The following CAST variants were observed in gnomAD, a reference collection of about 807,000 sequenced individuals.
CAST encodes the protein calpastatin.
Under a neutral mutation model 119.6 loss-of-function variants are expected in CAST, and 76 were observed. That is an observed-to-expected ratio of 0.64 (90% CI 0.53 to 0.77). CAST has a LOEUF of 0.77. Ranked by LOEUF, CAST falls within the 30% of genes least tolerant of loss-of-function variation. CAST has a pLI of 0.00. For missense variants in CAST, 953 were observed against 946.5 expected (o/e 1.01, Z -0.09); for synonymous variants, 319 against 331.6 (o/e 0.96, Z 0.41).
the CAST span, among the ~76,000 whole-genome samples, chr5:96,051,684 A>G: frequency 6.6e-6 from 1 of 152,148 alleles, no homozygotes; most frequent in Admixed American, 6.5e-5. Context: ...GGTTAGTGTG[A>G]TGGCAGCCAG....
chr5:96,292,932 T>A, the CAST span, among the ~76,000 whole-genome samples: 1 of 152,240 alleles, frequency 6.6e-6, no homozygotes, highest in Non-Finnish European at 1.5e-5. Flanking sequence ...TTCTGACGTC[T>A]TCATTAAAGA....
intron 1 of CAST, among the ~76,000 whole-genome samples, chr5:96,577,082 G>C (rs1211830712): frequency 7.9e-5 from 12 of 152,068 alleles, no homozygotes; most frequent in African/African-American, 2.4e-4. Flanking sequence ...GAACATGTGG[G>C]TTTGGTTTTC....
At chr5:96,677,717 G>A (rs1340906252) in intron 2 of CAST, among the ~76,000 whole-genome samples, 1 of 152,218 alleles carries the variant, frequency 6.6e-6, no homozygotes, top group Non-Finnish European at 1.5e-5. Flanking sequence ...GAAGTAAAGA[G>A]GGGATAGAGA....
At chr5:96,398,711 G>A in the CAST span, among the ~76,000 whole-genome samples, 41 of 152,048 alleles carry the variant, frequency 2.7e-4, no homozygotes, top group African/African-American at 9.2e-4. Flanking sequence ...AATGGGCAGG[G>A]CAGAGGGAGA....
At chr5:96,291,671 C>T in the CAST span, among the ~76,000 whole-genome samples, 1 of 151,920 alleles carries the variant, frequency 6.6e-6, no homozygotes, top group South Asian at 2.1e-4. Context: ...TATTTTTGTG[C>T]CAAGCTCTGG....
At chr5:96,427,590 AC>A in the CAST span, among the ~76,000 whole-genome samples, 2 of 152,054 alleles carry the variant, frequency 1.3e-5, no homozygotes, top group Non-Finnish European at 2.9e-5. Flanking sequence ...TTGAGATTCC[AC>A]CCCTCCCCCA....
chr5:96,351,272 T>C, the CAST span, among the ~76,000 whole-genome samples: 226 of 152,292 alleles, frequency 1.5e-3, 4 homozygotes, highest in Non-Finnish European at 1.4e-3. Context: ...GAAAAATTTG[T>C]ATTTATCTGA....
At chr5:96,382,599 A>G in the CAST span, among the ~76,000 whole-genome samples, 1 of 152,242 alleles carries the variant, frequency 6.6e-6, no homozygotes, top group Non-Finnish European at 1.5e-5. Flanking sequence ...ACGATGAATA[A>G]AAACAGTGCC....
intron 1 of CAST, among the ~76,000 whole-genome samples, chr5:96,531,719 C>T (rs1745691772): frequency 6.6e-6 from 1 of 152,038 alleles, no homozygotes; most frequent in African/African-American, 2.4e-5. Context: ...GAAAATTTAA[C>T]ATATGGAATA....
the CAST span, chr5:96,399,946 T>C: frequency 2.3e-5 from 37 of 1,598,374 alleles, no homozygotes; most frequent in Admixed American, 5.0e-5. Context: ...TTCCAGGAGA[T>C]ACTTACCTGG....
chr5:96,534,935 AAGAAAG>A (rs1561409201), intron 1 of CAST, among the ~76,000 whole-genome samples: 2 of 95,512 alleles, frequency 2.1e-5, no homozygotes, highest in East Asian at 6.8e-4. Flanking sequence ...TAAAGAAAGA[AAGAAAG>A]AGAAAGGGAA....
chr5:96,139,634 G>A, the CAST span, among the ~76,000 whole-genome samples: 1 of 150,746 alleles, frequency 6.6e-6, no homozygotes, highest in Non-Finnish European at 1.5e-5. Flanking sequence ...TTTCATTCTG[G>A]AAAGCATTAA....
At chr5:96,089,130 C>T in the CAST span, among the ~76,000 whole-genome samples, 5 of 149,196 alleles carry the variant, frequency 3.4e-5, no homozygotes, top group South Asian at 1.1e-3. Context: ...TAAATTTCCC[C>T]TCTTCGCACT....
the CAST span, among the ~76,000 whole-genome samples, chr5:96,504,858 A>G: frequency 6.6e-6 from 1 of 152,216 alleles, no homozygotes; most frequent in East Asian, 1.9e-4. Flanking sequence ...TTTCGTATAA[A>G]TGGAATAACA....
the CAST span, among the ~76,000 whole-genome samples, chr5:96,087,580 G>GAGTGTTCCAAATTAT: frequency 2.6e-5 from 4 of 152,124 alleles, no homozygotes; most frequent in Non-Finnish European, 5.9e-5. Flanking sequence ...ATATGAAGAT[G>GAGTGTTCCAAATTAT]AGTGTTCCAA....
the CAST span, among the ~76,000 whole-genome samples, chr5:96,332,829 G>A: frequency 6.6e-6 from 1 of 152,118 alleles, no homozygotes; most frequent in Admixed American, 6.5e-5. Context: ...TGCTGTAAAG[G>A]TATCCTAACA....
At chr5:96,124,348 T>C in the CAST span, among the ~76,000 whole-genome samples, 1 of 152,154 alleles carries the variant, frequency 6.6e-6, no homozygotes, top group Non-Finnish European at 1.5e-5. Context: ...CATGCCACCA[T>C]GCCCAACTCT....
upstream of CAST, among the ~76,000 whole-genome samples, chr5:96,661,862 G>A (rs201041161): frequency 6.6e-6 from 1 of 151,076 alleles, no homozygotes; most frequent in Non-Finnish European, 1.5e-5. Flanking sequence ...GTGCACGCAC[G>A]CACACACACA....
intron 1 of CAST, among the ~76,000 whole-genome samples, chr5:96,647,164 A>G (rs1007142568): frequency 1.3e-5 from 2 of 152,192 alleles, no homozygotes; most frequent in Non-Finnish European, 2.9e-5. Context: ...CGGAGGAAAC[A>G]AAAACCCCAA....
Sources: allele counts gnomAD v4.1 joint callset (sites outside exome capture counted in the v4.1 genomes callset), GRCh38; gene constraint gnomAD v4.1.1; transcripts MANE v1.5; gene names NCBI Gene and HGNC (gene_info 2026-07-23, HGNC 2026-07-21).